The following SLC24A2 variants were observed in gnomAD, a reference collection of about 807,000 sequenced individuals.
The protein encoded by SLC24A2 is solute carrier family 24 member 2, also known as sodium/potassium/calcium exchanger 2.
In SLC24A2, 36 loss-of-function variants were observed where a neutral mutation model predicts 62.0. The observed-to-expected ratio is 0.58, with a 90% CI of 0.44 to 0.77. The LOEUF (loss-of-function observed/expected upper bound fraction) is 0.77. Ranked by LOEUF, SLC24A2 falls within the 30% of genes least tolerant of loss-of-function variation. The pLI is 0.00. For synonymous variants in SLC24A2, 358 were observed against 294.0 expected (o/e 1.22, Z -2.23); for missense variants, 846 against 817.9 (o/e 1.03, Z -0.42).
the SLC24A2 span, among the ~76,000 whole-genome samples, chr9:20,055,586 A>T: frequency 5.9e-5 from 9 of 152,106 alleles, no homozygotes; most frequent in Middle Eastern, 3.4e-3. Flanking sequence ...TAGAATCAGG[A>T]TTTGAACTTA....
At chr9:19,566,848 A>T (rs1027117087) in intron 7 of SLC24A2, among the ~76,000 whole-genome samples, 3 of 152,108 alleles carry the variant, frequency 2.0e-5, no homozygotes, top group Non-Finnish European at 4.4e-5. Context: ...TTCTCAGCAA[A>T]CTATCGCAAG....
chr9:19,910,801 T>C, the SLC24A2 span, among the ~76,000 whole-genome samples: 3 of 152,078 alleles, frequency 2.0e-5, no homozygotes, highest in Non-Finnish European at 4.4e-5. Context: ...AGGGAAGAAT[T>C]GTTGTTCTTC....
At chr9:19,668,875 C>T (rs931096214) in intron 2 of SLC24A2, among the ~76,000 whole-genome samples, 1 of 152,074 alleles carries the variant, frequency 6.6e-6, no homozygotes, top group Admixed American at 6.6e-5. Context: ...GTGACCATAG[C>T]CCCTAATATA....
chr9:19,549,816 C>T (rs1054931181), intron 8 of SLC24A2, among the ~76,000 whole-genome samples: 1 of 152,118 alleles, frequency 6.6e-6, no homozygotes, highest in African/African-American at 2.4e-5. Flanking sequence ...CGACAGGATC[C>T]AAGAAAAGAC....
chr9:19,516,454 C>T (rs1474869920), intron 10 of SLC24A2, 52 bp from the exon 11 acceptor site: 1 of 1,602,448 alleles, frequency 6.2e-7, no homozygotes, highest in Admixed American at 1.7e-5. Flanking sequence ...AGGGAGTAGT[C>T]AGACACGTTG....
At chr9:20,209,284 T>C in the SLC24A2 span, among the ~76,000 whole-genome samples, 1 of 152,240 alleles carries the variant, frequency 6.6e-6, no homozygotes, top group Non-Finnish European at 1.5e-5. Flanking sequence ...ACACAGTTTC[T>C]GTAATGAATC....
intron 2 of SLC24A2, among the ~76,000 whole-genome samples, chr9:19,649,750 T>G (rs899396211): frequency 6.6e-6 from 1 of 152,208 alleles, no homozygotes; most frequent in Non-Finnish European, 1.5e-5. Flanking sequence ...CGGAAAGAAA[T>G]AAGATTTAAC....
chr9:20,150,845 G>C, the SLC24A2 span, among the ~76,000 whole-genome samples: 2 of 151,804 alleles, frequency 1.3e-5, no homozygotes, highest in Non-Finnish European at 2.9e-5. Flanking sequence ...GTAATATATA[G>C]AGAAAGAGAC....
the SLC24A2 span, among the ~76,000 whole-genome samples, chr9:19,903,166 G>C: frequency 6.6e-6 from 1 of 151,974 alleles, no homozygotes; most frequent in Non-Finnish European, 1.5e-5. Context: ...AAATACCACA[G>C]ACTGGGTGGT....
chr9:20,036,189 T>C, the SLC24A2 span, among the ~76,000 whole-genome samples: 1 of 152,220 alleles, frequency 6.6e-6, no homozygotes, highest in Admixed American at 6.5e-5. Context: ...TCAGATTGTA[T>C]TTTCATTATA....
the SLC24A2 span, among the ~76,000 whole-genome samples, chr9:20,082,459 C>T: frequency 7.9e-5 from 12 of 152,200 alleles, no homozygotes; most frequent in Non-Finnish European, 1.8e-4. Flanking sequence ...TTCAAGGTGG[C>T]GGATTTGCTG....
At chr9:20,306,007 T>C in the SLC24A2 span, among the ~76,000 whole-genome samples, 2,224 of 152,286 alleles carry the variant, frequency 0.015, 45 homozygotes, top group African/African-American at 0.049. Flanking sequence ...CATTCTGGAT[T>C]AGAGCCTACT....
chr9:19,770,611 CA>C (rs1326027773), intron 2 of SLC24A2, among the ~76,000 whole-genome samples: 1 of 152,190 alleles, frequency 6.6e-6, no homozygotes, highest in African/African-American at 2.4e-5. Context: ...CATCTGCTCC[CA>C]CTTCCTGATG....
At chr9:20,077,503 G>A in the SLC24A2 span, among the ~76,000 whole-genome samples, 3 of 152,092 alleles carry the variant, frequency 2.0e-5, no homozygotes, top group East Asian at 1.9e-4. Flanking sequence ...CACAGTCGGC[G>A]CTCTACAGTG....
At chr9:20,203,732 A>C in the SLC24A2 span, among the ~76,000 whole-genome samples, 2,351 of 152,238 alleles carry the variant, frequency 0.015, 73 homozygotes, top group African/African-American at 0.053. Context: ...GCAGCAGCAG[A>C]AGAAGAAATT....
the SLC24A2 span, among the ~76,000 whole-genome samples, chr9:20,229,941 T>C: frequency 6.8e-6 from 1 of 145,994 alleles, no homozygotes; most frequent in East Asian, 2.2e-4. Context: ...TGTCCATGTG[T>C]TCTCATTGTT....
the SLC24A2 span, among the ~76,000 whole-genome samples, chr9:20,086,636 G>C: frequency 6.6e-6 from 1 of 152,318 alleles, no homozygotes; most frequent in African/African-American, 2.4e-5. Flanking sequence ...CACAGTCTGA[G>C]TCTTGTCTCA....
At chr9:20,089,003 T>G in the SLC24A2 span, among the ~76,000 whole-genome samples, 26 of 152,308 alleles carry the variant, frequency 1.7e-4, no homozygotes, top group Non-Finnish European at 5.9e-5. Flanking sequence ...GGGTCCCTGA[T>G]CCCATAGCTT....
chr9:19,672,462 A>G (rs1213867638), intron 2 of SLC24A2, among the ~76,000 whole-genome samples: 1 of 146,244 alleles, frequency 6.8e-6, no homozygotes, highest in Non-Finnish European at 1.5e-5. Flanking sequence ...TGGTCTATCA[A>G]TTTTATTTAT....
Sources: gnomAD v4.1 joint callset for allele counts (sites outside exome capture counted in the v4.1 genomes callset) on GRCh38, gnomAD v4.1.1 for gene constraint, MANE v1.5 for transcripts, NCBI Gene and HGNC (gene_info 2026-07-23, HGNC 2026-07-21) for gene names.